The following SMOC1 variants were observed in gnomAD, a reference collection of about 807,000 sequenced individuals.
SMOC1 encodes the protein SPARC-related modular calcium-binding protein 1.
In SMOC1, 22 loss-of-function variants were observed where a neutral mutation model predicts 56.3. The ratio of observed to expected loss-of-function variants is 0.39; its 90% CI spans 0.28 to 0.56. The LOEUF is 0.56. Among genes scored for constraint, SMOC1 ranks in the 20% least tolerant of loss-of-function variants. The probability of loss-of-function intolerance (pLI) is 0.61; values close to 1 mark genes in which losing one functional copy is unlikely to be tolerated. For synonymous variants in SMOC1, 193 were observed against 215.0 expected (o/e 0.90, Z 0.89); for missense variants, 509 against 565.4 (o/e 0.90, Z 1.01).
At chr14:69,946,030 C>T (rs1370648444) in intron 1 of SMOC1, among the ~76,000 whole-genome samples, 2 of 152,184 alleles carry the variant, frequency 1.3e-5, no homozygotes, top group Admixed American at 6.5e-5. Context: ...TTAAACATCT[C>T]CTCCCAGATG....
intron 1 of SMOC1, among the ~76,000 whole-genome samples, chr14:69,887,036 C>A (rs1883828269): frequency 6.6e-6 from 1 of 152,156 alleles, no homozygotes; most frequent in Non-Finnish European, 1.5e-5. Flanking sequence ...ATGTCCTGTG[C>A]AACTATGTTT....
intron 7 of SMOC1, among the ~76,000 whole-genome samples, chr14:70,010,461 A>G (rs1332760133): frequency 6.6e-6 from 1 of 152,224 alleles, no homozygotes; most frequent in Non-Finnish European, 1.5e-5. Context: ...CCACTCTGAG[A>G]AGGGGCATCC....
intron 1 of SMOC1, among the ~76,000 whole-genome samples, chr14:69,941,170 C>T (rs1882545597): frequency 1.3e-5 from 2 of 152,138 alleles, no homozygotes; most frequent in Non-Finnish European, 1.5e-5. Context: ...TCGTGGAAGT[C>T]CTGTAGGGCA....
chr14:69,930,030 G>A (rs118005233), intron 1 of SMOC1, among the ~76,000 whole-genome samples: 2 of 152,028 alleles, frequency 1.3e-5, no homozygotes, highest in South Asian at 4.2e-4. Flanking sequence ...AGACGTGGCT[G>A]GGGGAGCAGC....
Position 70,007,712 on chromosome 14 carries a change from C to T in SMOC1, c.665-3042C>T, listed in dbSNP as rs372625491. Among the ~76,000 whole-genome samples the T allele has an allele frequency of 4.8e-4, 73 of 152,370 alleles. No individual in the cohort carries two copies. The Middle Eastern group carries it at 0.01, about 21-fold the overall frequency. On this transcript the variant is annotated intron_variant, in intron 7 of 11. Transcript: ENST00000361956. ...AGTGAACTTGGGAAAATCCATTAATCTCTCCAACGTTCAGCTTCCTTGTCT... is the reference window on the plus strand; with the variant it reads ...AGTGAACTTGGGAAAATCCATTAATTTCTCCAACGTTCAGCTTCCTTGTCT...
intron 3 of SMOC1, among the ~76,000 whole-genome samples, chr14:69,960,118 T>A (rs1883320111): frequency 6.6e-6 from 1 of 152,226 alleles, no homozygotes; most frequent in African/African-American, 2.4e-5. Context: ...TGTGAAACTT[T>A]GTTGGCCTGG....
intron 3 of SMOC1, among the ~76,000 whole-genome samples, chr14:69,963,684 G>A (rs1046721172): frequency 6.6e-6 from 1 of 152,112 alleles, no homozygotes; most frequent in African/African-American, 2.4e-5. Flanking sequence ...GCTTCCCAAG[G>A]GCACCCTACT....
At chr14:69,926,704 C>G (rs148976515) in intron 1 of SMOC1, among the ~76,000 whole-genome samples, 15 of 152,180 alleles carry the variant, frequency 9.9e-5, no homozygotes, top group Non-Finnish European at 1.3e-4. Flanking sequence ...TCACTGGGGC[C>G]CCATCAGGGA....
rs760429037 is a variant in SMOC1, at chr14:70,013,426, A to G, written c.981A>G (p.Leu327=). Residue 327 remains leucine, a synonymous_variant, in exon 10 of 12, where the codon CTA becomes CTG. Coordinates refer to ENST00000361956, the MANE Select transcript of SMOC1 (RefSeq NM_001034852.3). The stretch of plus-strand genomic sequence containing the variant: ...AGAAAATGGAGTTTATCACCAGCCT[A>G]CTGGATGCTCTCACCACTGACATGG... ...EGKKMEFITS[L]LDALTTDMVQ... 11 of 1,614,086 alleles carry G rather than the reference A, an allele frequency of 6.8e-6. No individual in the cohort carries two copies. Among genetic ancestry groups the G allele is most frequent in the Admixed American group, 5.0e-5 (3 of 60,006 alleles).
intron 1 of SMOC1, chr14:69,885,302 TA>T: frequency 9.2e-7 from 1 of 1,089,458 alleles, no homozygotes; most frequent in Non-Finnish European, 1.3e-6. Context: ...TGTATTATTT[TA>T]ATTATTTTTA....
At chr14:69,890,875 C>A (rs1361047732) in intron 1 of SMOC1, among the ~76,000 whole-genome samples, 1 of 152,152 alleles carries the variant, frequency 6.6e-6, no homozygotes, top group Non-Finnish European at 1.5e-5. Flanking sequence ...CTGGTACATA[C>A]CCTGGAGAAA....
chr14:69,907,974 C>T (rs1189518012), intron 1 of SMOC1, among the ~76,000 whole-genome samples: 1 of 152,208 alleles, frequency 6.6e-6, no homozygotes, highest in Non-Finnish European at 1.5e-5. Context: ...CCAAAGGCCT[C>T]CTAATACTAT....
At chr14:69,959,022 A>G (rs559079500) in intron 3 of SMOC1, among the ~76,000 whole-genome samples, 1 of 152,230 alleles carries the variant, frequency 6.6e-6, no homozygotes, top group African/African-American at 2.4e-5. Flanking sequence ...TAAGGTAGAA[A>G]GATTAAGCCA....
chr14:69,919,552 T>C (rs1375650878), intron 1 of SMOC1, among the ~76,000 whole-genome samples: 1 of 152,260 alleles, frequency 6.6e-6, no homozygotes, highest in Admixed American at 6.5e-5. Flanking sequence ...TTACAAGTTA[T>C]GGACCTGCAG....
chr14:69,911,114 A>G (rs1376085282), intron 1 of SMOC1, among the ~76,000 whole-genome samples: 2 of 152,142 alleles, frequency 1.3e-5, no homozygotes, highest in Non-Finnish European at 2.9e-5. Context: ...GCAGCATACA[A>G]TATAGCTATT....
At chr14:69,977,277 G>C (rs925313812) in intron 4 of SMOC1, among the ~76,000 whole-genome samples, 1 of 152,232 alleles carries the variant, frequency 6.6e-6, no homozygotes, top group African/African-American at 2.4e-5. Context: ...GTCAGGACTG[G>C]AGGAGGGGAT....
At chr14:70,011,152 A>G (rs1001530676) in intron 8 of SMOC1, among the ~76,000 whole-genome samples, 2 of 152,176 alleles carry the variant, frequency 1.3e-5, no homozygotes, top group African/African-American at 4.8e-5. Context: ...AAGACCTTGG[A>G]ACAGTACTTA....
chr14:69,954,212 G>T (rs1445644451), intron 3 of SMOC1, among the ~76,000 whole-genome samples: 2 of 152,000 alleles, frequency 1.3e-5, no homozygotes, highest in Non-Finnish European at 2.9e-5. Flanking sequence ...TGCAGACTGG[G>T]TCTCACTCCA....
At position 69,993,298 on chromosome 14, in the gene SMOC1, G is replaced by A. The variant is rs936308571; in HGVS notation, c.583+825G>A. 1.6e-4 allele frequency among the ~76,000 whole-genome samples: 24 copies of A among 152,104 alleles called. 1 individual carries two copies. Among genetic ancestry groups the A allele is most frequent in the Admixed American group, 1.4e-3 (21 of 15,274 alleles). On this transcript the variant is annotated intron_variant, in intron 6 of 11. Transcript: ENST00000361956. Reference sequence around the variant, plus strand: ...TCTCTGGAGGCATAGAGAGAGGATAGGAGTGCGGGGTGCAGGAGGTTCAAG... The same window carrying A: ...TCTCTGGAGGCATAGAGAGAGGATAAGAGTGCGGGGTGCAGGAGGTTCAAG...
Sources: gnomAD v4.1 joint callset for allele counts (sites outside exome capture counted in the v4.1 genomes callset) on GRCh38, gnomAD v4.1.1 for gene constraint, MANE v1.5 for transcripts, NCBI Gene and HGNC (gene_info 2026-07-23, HGNC 2026-07-21) for gene names.